Variants in GYPC observed in about 807,000 individuals in gnomAD.
The protein encoded by GYPC is glycophorin-C.
Under a neutral mutation model 12.6 loss-of-function variants are expected in GYPC, and 14 were observed. That is an observed-to-expected ratio of 1.11 (90% CI 0.74 to 1.74). GYPC has a LOEUF of 1.74. GYPC is among the 40% of genes most tolerant of loss of function. The pLI is 0.00. For synonymous variants in GYPC, 78 were observed against 62.1 expected (o/e 1.26, Z -1.20); for missense variants, 225 against 172.1 (o/e 1.31, Z -1.72).
At chr2:126,693,176 C>T (rs1683527611) in intron 2 of GYPC, among the ~76,000 whole-genome samples, 1 of 152,196 alleles carries the variant, frequency 6.6e-6, no homozygotes, top group Non-Finnish European at 1.5e-5. Context: ...TTAATACCCC[C>T]TTGAGGGAGG....
At chr2:126,689,935 C>T (rs1683404906) in intron 1 of GYPC, among the ~76,000 whole-genome samples, 1 of 152,236 alleles carries the variant, frequency 6.6e-6, no homozygotes, top group African/African-American at 2.4e-5. Flanking sequence ...CCTTCATACA[C>T]AGCACAGATA....
At position 126,691,804 on chromosome 2, in the gene GYPC, C is replaced by T. The variant is rs61396372; in HGVS notation, c.106+1493C>T. 3.6e-4 allele frequency among the ~76,000 whole-genome samples: 55 copies of T among 152,290 alleles called. 1 individual carries two copies. Among genetic ancestry groups the T allele is most frequent in the African/African-American group, 1.3e-3 (55 of 41,580 alleles). On this transcript the variant is annotated intron_variant, in intron 2 of 3. Transcript: ENST00000259254. The stretch of plus-strand genomic sequence containing the variant: ...AAGGAAGAGGAAATAACAGTCTCTT[C>T]TAACGCTGATTGTGTTGGACAAACT...
chr2:126,677,448 T>A (rs1683028406), intron 1 of GYPC, among the ~76,000 whole-genome samples: 2 of 150,790 alleles, frequency 1.3e-5, no homozygotes, highest in African/African-American at 4.9e-5. Flanking sequence ...GGAGTGTGTG[T>A]GTATAAGAGT....
chr2:126,656,409 C>G (rs990377243), intron 1 of GYPC, 97 bp downstream of exon 1: 1 of 1,088,466 alleles, frequency 9.2e-7, no homozygotes, highest in Non-Finnish European at 1.3e-6. Flanking sequence ...GCCCTGGTGT[C>G]CCGGTCCGTG....
intron 1 of GYPC, among the ~76,000 whole-genome samples, chr2:126,661,656 T>C (rs1682540494): frequency 6.6e-6 from 1 of 152,188 alleles, no homozygotes; most frequent in Non-Finnish European, 1.5e-5. Context: ...TTCTCCATGT[T>C]GGTCAGGCTG....
chr2:126,680,993 T>C (rs1683135578), intron 1 of GYPC, among the ~76,000 whole-genome samples: 1 of 152,194 alleles, frequency 6.6e-6, no homozygotes, highest in Non-Finnish European at 1.5e-5. Flanking sequence ...ACAGACCTTC[T>C]AGTCGGCGAC....
chr2:126,688,324 T>C (rs1683348143), intron 1 of GYPC, among the ~76,000 whole-genome samples: 1 of 152,230 alleles, frequency 6.6e-6, no homozygotes, highest in Admixed American at 6.5e-5. Flanking sequence ...ATGTTATTCT[T>C]TCTTTCCGAA....
intron 1 of GYPC, among the ~76,000 whole-genome samples, chr2:126,683,814 A>G (rs1683213920): frequency 6.6e-6 from 1 of 152,218 alleles, no homozygotes; most frequent in Admixed American, 6.5e-5. Context: ...TCCAAGATGT[A>G]CATAAGGAAG....
intron 1 of GYPC, chr2:126,680,328 C>T (rs28387167): frequency 0.069 from 10,485 of 152,302 alleles, 451 homozygotes; most frequent in Non-Finnish European, 0.1. Flanking sequence ...TGAGTCTACA[C>T]ACTTCAGTGT....
chr2:126,691,899 C>G (rs1187702221), intron 2 of GYPC, among the ~76,000 whole-genome samples: 2 of 152,152 alleles, frequency 1.3e-5, no homozygotes, highest in Non-Finnish European at 2.9e-5. Context: ...CTTCTATAAC[C>G]ATCCATGCCT....
At chr2:126,671,789 A>T (rs536542169) in intron 1 of GYPC, among the ~76,000 whole-genome samples, 23 of 152,322 alleles carry the variant, frequency 1.5e-4, no homozygotes, top group African/African-American at 5.1e-4. Flanking sequence ...AGGTGGACAC[A>T]TGGGTAGGAT....
intron 1 of GYPC, among the ~76,000 whole-genome samples, chr2:126,671,554 T>C (rs993269234): frequency 1.3e-5 from 2 of 152,182 alleles, no homozygotes; most frequent in Admixed American, 6.5e-5. Context: ...CGGGGGTCAA[T>C]GTGTGTCCGT....
chr2:126,670,472 C>T (rs1682818964), intron 1 of GYPC, among the ~76,000 whole-genome samples: 1 of 152,230 alleles, frequency 6.6e-6, no homozygotes, highest in Admixed American at 6.5e-5. Flanking sequence ...CCCCTTTGGC[C>T]TCTGCTTCCC....
intron 1 of GYPC, among the ~76,000 whole-genome samples, chr2:126,663,204 AT>A: frequency 6.6e-6 from 1 of 151,508 alleles, no homozygotes; most frequent in African/African-American, 2.4e-5. Context: ...CGCCCAGCTA[AT>A]TTTTGTATTT....
rs543956878 is a variant in GYPC at position 126,686,118 on chromosome 2, G to A, written c.50-4137G>A. 202 of 985,362 alleles carry A rather than the reference G, an allele frequency of 2.1e-4. 1 individual carries two copies. In the African/African-American group the frequency reaches 3.4e-3, roughly 17 times the overall value. 61.0% of individuals were successfully genotyped at this position (985,362 alleles called of 1,614,324 possible). ...GACCAGCCCACGCAGGAAAAAAAGA[G>A]AACTTTTTAGCACAGTGTCATCTGA... On this transcript the variant is annotated intron_variant, in intron 1 of 3. Coordinates refer to ENST00000259254, the MANE Select transcript of GYPC (RefSeq NM_002101.5).
rs1683279090 is a variant in GYPC, at chr2:126,686,012, G to C, written c.50-4243G>C. 4.1e-6 allele frequency: 4 copies of C among 985,282 alleles called. No homozygotes were observed. The South Asian group carries it at 1.9e-4, about 46-fold the overall frequency. The allele number at this position is 985,282 out of a possible 1,614,324, so 61.0% of individuals were successfully genotyped here. A position where few individuals can be genotyped will look rare whatever the true frequency, so the allele number is the denominator to read the frequency against. On this transcript the variant is annotated intron_variant, in intron 1 of 3. Transcript: ENST00000259254. ...CTTCTTTGCTGGGACAGATGGACAG[G>C]AGGAAGACAGGAAGTGGGGAACCCC... is the stretch of plus-strand genomic sequence containing the variant.
chr2:126,668,763 GTTCTCC>G (rs1296562025), intron 1 of GYPC, among the ~76,000 whole-genome samples: 78 of 152,302 alleles, frequency 5.1e-4, no homozygotes, highest in African/African-American at 1.9e-3. Flanking sequence ...CGTTATGGTG[GTTCTCC>G]CCTGCCGTCA....
intron 1 of GYPC, chr2:126,675,675 G>A (rs1001224091): frequency 1.3e-4 from 130 of 984,976 alleles, no homozygotes; most frequent in Middle Eastern, 1.0e-3. Context: ...GTGGCTGTTC[G>A]TCACTACCCG....
intron 1 of GYPC, among the ~76,000 whole-genome samples, chr2:126,674,201 C>A (rs1052145241): frequency 2.0e-5 from 3 of 152,134 alleles, no homozygotes; most frequent in Admixed American, 6.5e-5. Flanking sequence ...AGCCTCCGAG[C>A]GGGAGAAGCA....
Sources: gnomAD v4.1 joint callset for allele counts (sites outside exome capture counted in the v4.1 genomes callset) on GRCh38, gnomAD v4.1.1 for gene constraint, MANE v1.5 for transcripts, NCBI Gene and HGNC (gene_info 2026-07-23, HGNC 2026-07-21) for gene names.